The following ATG4C variants were observed in gnomAD, a reference collection of about 807,000 sequenced individuals.
ATG4C encodes the protein autophagy related 4C cysteine peptidase.
ATG4C carries 56 observed loss-of-function variants against 57.6 expected under a neutral mutation model. The ratio of observed to expected loss-of-function variants is 0.97; its 90% CI spans 0.78 to 1.21. The LOEUF (loss-of-function observed/expected upper bound fraction) is 1.21, where lower values mean the gene tolerates loss of function less well. ATG4C is among the 50% of genes most tolerant of loss of function. The probability of loss-of-function intolerance (pLI) is 0.00; values close to 1 mark genes in which losing one functional copy is unlikely to be tolerated. For synonymous variants in ATG4C, 157 were observed against 174.1 expected (o/e 0.90, Z 0.78); for missense variants, 595 against 529.8 (o/e 1.12, Z -1.21).
intron 1 of ATG4C, among the ~76,000 whole-genome samples, chr1:62,800,799 G>C (rs575197991): frequency 6.6e-6 from 1 of 152,294 alleles, no homozygotes; most frequent in South Asian, 2.1e-4. Flanking sequence ...TTTAAGAACA[G>C]TCAGTTACAG....
chr1:62,800,771 A>G (rs1222926466), intron 1 of ATG4C, among the ~76,000 whole-genome samples: 4 of 152,222 alleles, frequency 2.6e-5, no homozygotes, highest in Admixed American at 6.5e-5. Context: ...TTGAGAACCA[A>G]TTCTGTGCCA....
intron 1 of ATG4C, among the ~76,000 whole-genome samples, chr1:62,802,742 A>G (rs1043595184): frequency 1.3e-5 from 2 of 152,134 alleles, no homozygotes; most frequent in African/African-American, 4.8e-5. Context: ...ATCTCATGCC[A>G]CTTTTTTAGA....
intron 10 of ATG4C, among the ~76,000 whole-genome samples, chr1:62,844,725 G>T (rs1476261805): frequency 2.6e-5 from 4 of 151,732 alleles, no homozygotes; most frequent in Admixed American, 6.6e-5. Context: ...CTTCTCAGTG[G>T]TAATCACTAT....
chr1:62,819,992 A>G (rs1337975664), intron 5 of ATG4C, among the ~76,000 whole-genome samples: 2 of 152,078 alleles, frequency 1.3e-5, no homozygotes, highest in Non-Finnish European at 2.9e-5. Flanking sequence ...AATATTTCAT[A>G]TAAGTATAGC....
At chr1:62,808,174 G>C (rs1353553100) in intron 3 of ATG4C, among the ~76,000 whole-genome samples, 1 of 152,214 alleles carries the variant, frequency 6.6e-6, no homozygotes, top group African/African-American at 2.4e-5. Context: ...TGATGACTTT[G>C]ATACAGGGCA....
At chr1:62,808,896 A>G (rs1664971304) in intron 3 of ATG4C, among the ~76,000 whole-genome samples, 3 of 152,188 alleles carry the variant, frequency 2.0e-5, no homozygotes, top group Admixed American at 2.0e-4. Flanking sequence ...ATTGTTTTAT[A>G]GAATGAATGG....
intron 6 of ATG4C, among the ~76,000 whole-genome samples, chr1:62,828,034 C>A (rs7512374): frequency 6.6e-6 from 1 of 151,922 alleles, no homozygotes; most frequent in Admixed American, 6.6e-5. Context: ...GTATATGTAC[C>A]ACATTTTCTT....
chr1:62,786,432 G>A (rs1016486388), intron 1 of ATG4C, among the ~76,000 whole-genome samples: 3 of 151,574 alleles, frequency 2.0e-5, no homozygotes, highest in Admixed American at 6.6e-5. Flanking sequence ...TTAAAGGTGA[G>A]AAGAGAGATA....
At chr1:62,859,564 G>T (rs1407546652) in intron 10 of ATG4C, among the ~76,000 whole-genome samples, 1 of 152,212 alleles carries the variant, frequency 6.6e-6, no homozygotes, top group Non-Finnish European at 1.5e-5. Context: ...TAGTGAGTCT[G>T]TGGTGAGTGA....
intron 3 of ATG4C, among the ~76,000 whole-genome samples, chr1:62,806,487 CTTA>C (rs995092587): frequency 7.3e-5 from 11 of 151,584 alleles, no homozygotes; most frequent in East Asian, 1.9e-4. Flanking sequence ...AAATTAAAAA[CTTA>C]TTAGAATTAT....
intron 10 of ATG4C, among the ~76,000 whole-genome samples, chr1:62,858,443 A>G (rs978644461): frequency 6.6e-6 from 1 of 152,226 alleles, no homozygotes; most frequent in African/African-American, 2.4e-5. Flanking sequence ...ATCTGCAAAA[A>G]CATGGATGAT....
At chr1:62,802,980 T>C (rs1362401220) in intron 1 of ATG4C, among the ~76,000 whole-genome samples, 2 of 152,224 alleles carry the variant, frequency 1.3e-5, no homozygotes, top group African/African-American at 4.8e-5. Context: ...CATTCTTTTC[T>C]TGAAAAGTAA....
intron 3 of ATG4C, among the ~76,000 whole-genome samples, chr1:62,812,254 A>C (rs188754673): frequency 6.6e-6 from 1 of 152,332 alleles, no homozygotes; most frequent in Non-Finnish European, 1.5e-5. Context: ...CCAGCAGCAC[A>C]TCAAAAAGCT....
intron 1 of ATG4C, among the ~76,000 whole-genome samples, chr1:62,801,305 A>T (rs1192979490): frequency 6.6e-6 from 1 of 152,234 alleles, no homozygotes; most frequent in Non-Finnish European, 1.5e-5. Flanking sequence ...TAATATGCCT[A>T]GCCCAGACCT....
intron 10 of ATG4C, among the ~76,000 whole-genome samples, chr1:62,861,365 G>A (rs1401768833): frequency 6.6e-6 from 1 of 152,024 alleles, no homozygotes; most frequent in Admixed American, 6.6e-5. Context: ...GGGCAACATA[G>A]TGAGACCCCA....
intron 6 of ATG4C, among the ~76,000 whole-genome samples, chr1:62,823,078 C>T (rs1164838051): frequency 6.6e-6 from 1 of 152,160 alleles, no homozygotes; most frequent in Non-Finnish European, 1.5e-5. Flanking sequence ...ATCACTTGAG[C>T]CCTGAAGGCG....
At position 62,823,433 on chromosome 1, in the gene ATG4C, T is replaced by G. The variant is rs573093402; in HGVS notation, c.796+2224T>G. ...TTTAGTCAGTCAACACTTAAGAAAATGTTCCTGAAATCTGTTCTCTCATCT... is the reference window on the plus strand; with the variant it reads ...TTTAGTCAGTCAACACTTAAGAAAAGGTTCCTGAAATCTGTTCTCTCATCT... On this transcript the variant is annotated intron_variant, in intron 6 of 10. Coordinates refer to ENST00000317868, the MANE Select transcript of ATG4C (RefSeq NM_032852.4). Among the ~76,000 whole-genome samples, 4 of 152,332 alleles carry G rather than the reference T, an allele frequency of 2.6e-5. No individual in the cohort carries two copies. In the South Asian group the frequency reaches 8.3e-4, roughly 32 times the overall value.
chr1:62,818,999 C>G lies in ATG4C; in HGVS notation c.395-6C>G, dbSNP rs1665382009. 6.5e-7 allele frequency: 1 copy of G among 1,530,396 alleles called. No individual in the cohort carries two copies. Among genetic ancestry groups the G allele is most frequent in the African/African-American group, 1.4e-5 (1 of 72,090 alleles). 94.8% of individuals were successfully genotyped at this position (1,530,396 alleles called of 1,614,324 possible). On this transcript the variant is annotated splice_polypyrimidine_tract_variant and splice_region_variant and intron_variant, in intron 4 of 10. Transcript: ENST00000317868. ...ATCTGAACACTTTGCTTTGGAACTA[C>G]TATAGCTTGGACCTGGCCTGATGCT...
chr1:62,810,579 T>G (rs2100304489), intron 3 of ATG4C, among the ~76,000 whole-genome samples: 1 of 152,320 alleles, frequency 6.6e-6, no homozygotes, highest in East Asian at 1.9e-4. Flanking sequence ...CCTTTGAGAT[T>G]TGCTTCTGTA....
Sources: allele counts gnomAD v4.1 joint callset (sites outside exome capture counted in the v4.1 genomes callset), GRCh38; gene constraint gnomAD v4.1.1; transcripts MANE v1.5; gene names NCBI Gene and HGNC (gene_info 2026-07-23, HGNC 2026-07-21).